The following LPP variants were observed in gnomAD, a reference collection of about 807,000 sequenced individuals.
LPP encodes the protein lipoma-preferred partner.
LPP carries 38 observed loss-of-function variants against 60.4 expected under a neutral mutation model. The ratio of observed to expected loss-of-function variants is 0.63; its 90% CI spans 0.49 to 0.83. The LOEUF is 0.83. Ranked by LOEUF, LPP falls within the 40% of genes least tolerant of loss-of-function variation. LPP has a pLI of 0.00. For missense variants in LPP, 902 were observed against 783.6 expected, an observed-to-expected ratio of 1.15 and a Z score of -1.80; for synonymous variants, 328 against 290.8, an observed-to-expected ratio of 1.13 and a Z score of -1.30.
chr3:188,864,737 T>C (rs1766158147), intron 9 of LPP, among the ~76,000 whole-genome samples: 1 of 152,236 alleles, frequency 6.6e-6, no homozygotes, highest in African/African-American at 2.4e-5. Context: ...TGGTCTGAGA[T>C]GTTATGAGAA....
chr3:188,162,719 CAG>C (rs906162553), intron 1 of LPP, among the ~76,000 whole-genome samples: 81 of 152,304 alleles, frequency 5.3e-4, no homozygotes, highest in African/African-American at 1.9e-3. Flanking sequence ...TTGTGAGAAT[CAG>C]GGGCATTTCT....
intron 3 of LPP, among the ~76,000 whole-genome samples, chr3:188,355,716 T>G (rs1767400277): frequency 6.6e-6 from 1 of 152,218 alleles, no homozygotes; most frequent in African/African-American, 2.4e-5. Context: ...AAAATGTCAG[T>G]CTTAAAAATA....
chr3:188,859,233 C>T (rs950429512), intron 9 of LPP, among the ~76,000 whole-genome samples: 1 of 151,996 alleles, frequency 6.6e-6, no homozygotes, highest in African/African-American at 2.4e-5. Flanking sequence ...ATCTGCGACT[C>T]CTATAAGAGT....
In LPP at chr3:188,250,776, T is replaced by TCTGTCTTTC. The variant is rs1560158583; in HGVS notation, c.-67+25249_-67+25250insCTGTCTTTC. The stretch of plus-strand genomic sequence containing the variant: ...TTTCTTTCTTTCTTTCTTTCTTTCT[T>TCTGTCTTTC]TCTTTCTTTCTGTCTTTCTCTTTCT... On this transcript the variant is annotated intron_variant, in intron 2 of 11. Coordinates refer to ENST00000617246, the MANE Select transcript of LPP (RefSeq NM_001375462.1). 4.1e-5 allele frequency among the ~76,000 whole-genome samples: 5 copies of TCTGTCTTTC among 121,844 alleles called. No individual in the cohort carries two copies. In the East Asian group the frequency reaches 6.8e-4, roughly 17 times the overall value. 79.9% of individuals were successfully genotyped at this position (121,844 alleles called of 152,430 possible). A position where few individuals can be genotyped will look rare whatever the true frequency, so the allele number is the denominator to read the frequency against.
chr3:188,637,541 T>C (rs372836296), intron 7 of LPP, among the ~76,000 whole-genome samples: 11,904 of 137,874 alleles, frequency 0.086, 635 homozygotes, highest in Non-Finnish European at 0.11. Flanking sequence ...AATAGATACA[T>C]AAAAAACCCT....
At chr3:188,644,075 T>A (rs1359629228) in intron 7 of LPP, among the ~76,000 whole-genome samples, 1 of 152,204 alleles carries the variant, frequency 6.6e-6, no homozygotes, top group East Asian at 1.9e-4. Context: ...AATCTCATGA[T>A]CATCATATTT....
At chr3:188,347,599 C>A (rs1481222008) in intron 3 of LPP, among the ~76,000 whole-genome samples, 1 of 152,014 alleles carries the variant, frequency 6.6e-6, no homozygotes, top group Admixed American at 6.6e-5. Flanking sequence ...CCCGGCCTAC[C>A]CCCCCATTAT....
At chr3:188,232,354 CT>C (rs200085672) in intron 2 of LPP, among the ~76,000 whole-genome samples, 10 of 148,928 alleles carry the variant, frequency 6.7e-5, no homozygotes, top group Admixed American at 6.7e-5. Context: ...TCATCTTATT[CT>C]TTTTTTTTTG....
At chr3:188,373,980 T>C (rs1323738112) in intron 3 of LPP, among the ~76,000 whole-genome samples, 2 of 152,166 alleles carry the variant, frequency 1.3e-5, no homozygotes, top group South Asian at 2.1e-4. Flanking sequence ...TTCCCCATTA[T>C]TTGTTTTTGT....
At position 188,462,588 on chromosome 3, in the gene LPP, A is replaced by ATGTG. The variant is rs71169003; in HGVS notation, c.194-21960_194-21957dup. Among the ~76,000 whole-genome samples, 94 of 58,270 alleles carry ATGTG rather than the reference A, an allele frequency of 1.6e-3. 1 individual carries two copies. The highest frequency in any genetic ancestry group is 5.4e-3 in the African/African-American group (86 of 15,882). The allele number at this position is 58,270 out of a possible 152,430, so 38.2% of individuals were successfully genotyped here. On this transcript the variant is annotated intron_variant, in intron 4 of 11. Transcript: ENST00000617246. ...TATATATATATATATATATATATGC[A>ATGTG]TGTGTGTGTGTGTGTGTGTGTGTGT...
intron 7 of LPP, among the ~76,000 whole-genome samples, chr3:188,643,681 A>G (rs1363290175): frequency 6.6e-6 from 1 of 152,146 alleles, no homozygotes; most frequent in African/African-American, 2.4e-5. Flanking sequence ...TCCTGTGCTC[A>G]GGCAGGTTAG....
intron 2 of LPP, among the ~76,000 whole-genome samples, chr3:188,242,066 A>G (rs993570257): frequency 6.6e-6 from 1 of 152,146 alleles, no homozygotes; most frequent in African/African-American, 2.4e-5. Context: ...AATAGGTGTT[A>G]AGGAGGCATG....
At chr3:188,627,179 T>C (rs1037186153) in intron 7 of LPP, among the ~76,000 whole-genome samples, 1 of 152,138 alleles carries the variant, frequency 6.6e-6, no homozygotes, top group Admixed American at 6.6e-5. Context: ...TGTTACCTAC[T>C]TCTACAAGGA....
chr3:188,748,011 G>A (rs138041376), intron 8 of LPP, among the ~76,000 whole-genome samples: 1 of 152,138 alleles, frequency 6.6e-6, no homozygotes, highest in Non-Finnish European at 1.5e-5. Context: ...AAAAGTCAGT[G>A]TACTCAAATC....
intron 3 of LPP, among the ~76,000 whole-genome samples, chr3:188,378,802 G>A (rs911179719): frequency 9.2e-5 from 14 of 152,206 alleles, no homozygotes; most frequent in South Asian, 2.1e-4. Flanking sequence ...CTTCTGCGTC[G>A]CTCCCTCTGG....
intron 7 of LPP, among the ~76,000 whole-genome samples, chr3:188,677,980 C>T (rs1858506816): frequency 6.6e-6 from 1 of 152,140 alleles, no homozygotes; most frequent in African/African-American, 2.4e-5. Flanking sequence ...AACATGGTCC[C>T]AGGGTGGTCT....
chr3:188,177,368 T>G (rs1723359926), intron 1 of LPP, among the ~76,000 whole-genome samples: 1 of 152,044 alleles, frequency 6.6e-6, no homozygotes, highest in African/African-American at 2.4e-5. Context: ...ATGGCATCTG[T>G]TTTGGATTGG....
In LPP at chr3:188,522,819, GTA is replaced by G. The variant is rs1409874778; in HGVS notation, c.307-1844_307-1843del. On this transcript the variant is annotated intron_variant, in intron 5 of 11. Transcript: ENST00000617246. Reference sequence around the variant, plus strand: ...TATATATATATATATATATATATGTGTATGTGTGTGTGTATGTGTGTGTACGT... The same window carrying G: ...TATATATATATATATATATATATGTGTGTGTGTGTGTATGTGTGTGTACGT... Among the ~76,000 whole-genome samples, 354 of 117,118 alleles carry G rather than the reference GTA, an allele frequency of 3.0e-3. 5 individuals carry two copies. Among genetic ancestry groups the G allele is most frequent in the African/African-American group, 0.01 (338 of 33,538 alleles). 76.8% of individuals were successfully genotyped at this position (117,118 alleles called of 152,430 possible). A position where few individuals can be genotyped will look rare whatever the true frequency, so the allele number is the denominator to read the frequency against.
In LPP at chr3:188,641,242, G is replaced by T. The variant is rs1008010143; in HGVS notation, c.1113+31398G>T. Among the ~76,000 whole-genome samples, 6 of 152,280 alleles carry T rather than the reference G, an allele frequency of 3.9e-5. No homozygotes were observed. In the South Asian group the frequency reaches 1.0e-3, roughly 26 times the overall value. Reference sequence around the variant, plus strand: ...TGAATAAACATAATCATATTCCACAGTCAATTATCTCCAAAGTACAGTGTG... The same window carrying T: ...TGAATAAACATAATCATATTCCACATTCAATTATCTCCAAAGTACAGTGTG... On this transcript the variant is annotated intron_variant, in intron 7 of 11. Transcript: ENST00000617246.
Sources: allele counts gnomAD v4.1 joint callset (sites outside exome capture counted in the v4.1 genomes callset), GRCh38; gene constraint gnomAD v4.1.1; transcripts MANE v1.5; gene names NCBI Gene and HGNC (gene_info 2026-07-23, HGNC 2026-07-21).